The following FRMD4B variants were observed in gnomAD, a reference collection of about 807,000 sequenced individuals.
The protein encoded by FRMD4B is FERM domain containing 4B.
A neutral mutation model predicts 141.5 loss-of-function variants in FRMD4B; 74 were observed. The ratio of observed to expected loss-of-function variants is 0.52; its 90% CI spans 0.43 to 0.63. FRMD4B has a LOEUF of 0.63. Among genes scored for constraint, FRMD4B ranks in the 30% least tolerant of loss-of-function variants. The pLI is 0.00. For synonymous variants in FRMD4B, 506 were observed against 467.9 expected, an observed-to-expected ratio of 1.08 and a Z score of -1.05; for missense variants, 1,366 against 1,253.4, an observed-to-expected ratio of 1.09 and a Z score of -1.36.
chr3:69,172,903 G>A (rs2092603573), intron 22 of FRMD4B, among the ~76,000 whole-genome samples: 1 of 151,978 alleles, frequency 6.6e-6, no homozygotes, highest in South Asian at 2.1e-4. Flanking sequence ...TGGAAGAAGA[G>A]CTTTGGAAAT....
chr3:69,233,190 A>G (rs1327374156), intron 7 of FRMD4B, among the ~76,000 whole-genome samples: 1 of 152,166 alleles, frequency 6.6e-6, no homozygotes, highest in Non-Finnish European at 1.5e-5. Context: ...TAAGCTGTTT[A>G]GAAAGTTAAC....
At chr3:69,224,910 T>A (rs903085366) in intron 7 of FRMD4B, among the ~76,000 whole-genome samples, 3 of 152,156 alleles carry the variant, frequency 2.0e-5, no homozygotes, top group African/African-American at 7.2e-5. Flanking sequence ...ATGTCTATTT[T>A]ACACGTAACT....
intron 1 of FRMD4B, among the ~76,000 whole-genome samples, chr3:69,488,042 G>A (rs1008716522): frequency 1.2e-4 from 18 of 144,784 alleles, no homozygotes; most frequent in African/African-American, 3.8e-4. Flanking sequence ...GAAAAAGAAA[G>A]AGAAAGAAAG....
chr3:69,481,465 T>A (rs1163042347), intron 1 of FRMD4B, among the ~76,000 whole-genome samples: 1 of 152,178 alleles, frequency 6.6e-6, no homozygotes, highest in Non-Finnish European at 1.5e-5. Flanking sequence ...TATAGATGAA[T>A]GAACCCCAGT....
At chr3:69,514,129 T>C (rs1195265560) in intron 1 of FRMD4B, among the ~76,000 whole-genome samples, 2 of 152,172 alleles carry the variant, frequency 1.3e-5, no homozygotes, top group African/African-American at 4.8e-5. Context: ...TGATCACAGA[T>C]GACAAATCTT....
intron 1 of FRMD4B, among the ~76,000 whole-genome samples, chr3:69,494,256 A>G (rs1356146204): frequency 6.6e-6 from 1 of 152,130 alleles, no homozygotes; most frequent in Admixed American, 6.5e-5. Flanking sequence ...GGTGGTGTAT[A>G]CTGGGTGGGT....
intron 9 of FRMD4B, among the ~76,000 whole-genome samples, chr3:69,219,940 A>G (rs1460784204): frequency 1.3e-5 from 2 of 152,212 alleles, no homozygotes; most frequent in Non-Finnish European, 2.9e-5. Context: ...TGTCCCTGCA[A>G]AGGACATGAT....
chr3:69,469,053 T>A (rs1387324248), intron 1 of FRMD4B, among the ~76,000 whole-genome samples: 1 of 152,168 alleles, frequency 6.6e-6, no homozygotes, highest in South Asian at 2.1e-4. Flanking sequence ...TGTTAAGAGT[T>A]TGCAGAGGTG....
chr3:69,436,907 T>C (rs1252308519), intron 1 of FRMD4B, among the ~76,000 whole-genome samples: 2 of 152,160 alleles, frequency 1.3e-5, no homozygotes, highest in African/African-American at 2.4e-5. Flanking sequence ...AATAGTTGAA[T>C]AGTAATTATT....
At chr3:69,200,813 C>A (rs1486323427) in intron 11 of FRMD4B, 2 of 541,392 alleles carry the variant, frequency 3.7e-6, no homozygotes, top group East Asian at 1.4e-4. Flanking sequence ...TTTACTCACC[C>A]TGGACATGAA....
intron 1 of FRMD4B, among the ~76,000 whole-genome samples, chr3:69,516,291 T>C (rs1700754701): frequency 6.6e-6 from 1 of 152,142 alleles, no homozygotes; most frequent in South Asian, 2.1e-4. Flanking sequence ...ATCATTTACA[T>C]GACAAAAGAG....
chr3:69,439,411 T>C (rs775403772), intron 1 of FRMD4B, among the ~76,000 whole-genome samples: 37 of 152,194 alleles, frequency 2.4e-4, no homozygotes, highest in Admixed American at 6.5e-4. Flanking sequence ...TGTGGGTATA[T>C]GCAGGAATTT....
At chr3:69,483,330 A>T (rs572916475) in intron 1 of FRMD4B, among the ~76,000 whole-genome samples, 11 of 152,368 alleles carry the variant, frequency 7.2e-5, no homozygotes, top group Admixed American at 2.6e-4. Context: ...AATAAATCTT[A>T]AGAGCTGCTT....
At chr3:69,216,212 A>G in intron 11 of FRMD4B, 51 bp downstream of exon 11, 1 of 965,432 alleles carries the variant, frequency 1.0e-6, no homozygotes, top group South Asian at 1.4e-5. Context: ...CTATGTTGTG[A>G]TTAACATGTT....
chr3:69,537,945 G>T (rs892867888), intron 1 of FRMD4B, among the ~76,000 whole-genome samples: 1 of 152,210 alleles, frequency 6.6e-6, no homozygotes, highest in African/African-American at 2.4e-5. Flanking sequence ...ACATGGTCTG[G>T]GTAGGACTCC....
intron 5 of FRMD4B, among the ~76,000 whole-genome samples, chr3:69,265,272 ATATATATATATAT>A (rs1559763008): frequency 0.057 from 928 of 16,140 alleles, 112 homozygotes; most frequent in African/African-American, 0.079. Context: ...AAAAAAAAAT[ATATATATATATAT>A]ATATATATAT....
At chr3:69,288,779 G>C (rs1700781118) in intron 4 of FRMD4B, among the ~76,000 whole-genome samples, 1 of 152,196 alleles carries the variant, frequency 6.6e-6, no homozygotes. Context: ...TTTACTCTCA[G>C]ATCAGTGAGA....
intron 7 of FRMD4B, among the ~76,000 whole-genome samples, chr3:69,241,623 C>T (rs1010698085): frequency 1.3e-5 from 2 of 152,120 alleles, no homozygotes; most frequent in African/African-American, 4.8e-5. Flanking sequence ...TGGTTGGGTG[C>T]AGTCGCTCAC....
At chr3:69,261,060 G>A (rs1349860725) in intron 5 of FRMD4B, among the ~76,000 whole-genome samples, 3 of 152,196 alleles carry the variant, frequency 2.0e-5, no homozygotes, top group Non-Finnish European at 4.4e-5. Flanking sequence ...GGTTGCCAGA[G>A]CCAGATTTCG....
Sources: gnomAD v4.1 joint callset for allele counts (sites outside exome capture counted in the v4.1 genomes callset) on GRCh38, gnomAD v4.1.1 for gene constraint, MANE v1.5 for transcripts, NCBI Gene and HGNC (gene_info 2026-07-23, HGNC 2026-07-21) for gene names.